MAST4: variants seen among roughly 807,000 people sequenced by gnomAD.
MAST4 encodes the protein microtubule-associated serine/threonine-protein kinase 4.
Under a neutral mutation model 162.7 loss-of-function variants are expected in MAST4, and 89 were observed. The ratio of observed to expected loss-of-function variants is 0.55; its 90% CI spans 0.46 to 0.65. MAST4 has a LOEUF of 0.65. Ranked by LOEUF, MAST4 falls within the 30% of genes least tolerant of loss-of-function variation. The pLI is 0.00. For missense variants in MAST4, 3,153 were observed against 3,374.0 expected (o/e 0.93, Z 1.62); for synonymous variants, 1,479 against 1,361.1 (o/e 1.09, Z -1.91).
intron 17 of MAST4, 138 bp downstream of exon 17, chr5:67,133,784 A>C (rs1769278202): frequency 1.0e-6 from 1 of 955,192 alleles, no homozygotes; most frequent in East Asian, 2.7e-5. Flanking sequence ...CATTTAATAA[A>C]GTGCAAATTG....
At chr5:67,100,996 T>C (rs1480670598) in intron 8 of MAST4, among the ~76,000 whole-genome samples, 3 of 152,250 alleles carry the variant, frequency 2.0e-5, no homozygotes, top group Non-Finnish European at 4.4e-5. Context: ...TCTTTGTTCT[T>C]TCTTCCCATC....
At chr5:67,162,083 C>T (rs1229743292) in intron 27 of MAST4, among the ~76,000 whole-genome samples, 3 of 152,082 alleles carry the variant, frequency 2.0e-5, no homozygotes, top group Non-Finnish European at 4.4e-5. Flanking sequence ...TTTTCTATGT[C>T]GTTGTACAGC....
chr5:67,122,593 T>C (rs1008146751), intron 14 of MAST4, among the ~76,000 whole-genome samples: 1 of 152,222 alleles, frequency 6.6e-6, no homozygotes, highest in African/African-American at 2.4e-5. Context: ...GACCTGAAGA[T>C]TTCTTTCTTC....
At chr5:66,974,153 G>C (rs1382898429) in intron 4 of MAST4, among the ~76,000 whole-genome samples, 3 of 152,142 alleles carry the variant, frequency 2.0e-5, no homozygotes, top group Non-Finnish European at 4.4e-5. Context: ...CTTTTGGACT[G>C]CTTCATGATG....
At chr5:67,038,921 A>C (rs781328480) in intron 4 of MAST4, among the ~76,000 whole-genome samples, 6 of 152,166 alleles carry the variant, frequency 3.9e-5, no homozygotes, top group Non-Finnish European at 7.3e-5. Flanking sequence ...CTTAAGACCC[A>C]GGGCTCTGGA....
chr5:66,891,905 GTA>G (rs746738094), intron 3 of MAST4, among the ~76,000 whole-genome samples: 3 of 152,220 alleles, frequency 2.0e-5, no homozygotes, highest in Admixed American at 6.5e-5. Flanking sequence ...AAGGGTAGAT[GTA>G]TTGTTTCAGA....
chr5:66,812,707 G>C (rs1419343971), intron 3 of MAST4, among the ~76,000 whole-genome samples: 1 of 152,194 alleles, frequency 6.6e-6, no homozygotes, highest in Non-Finnish European at 1.5e-5. Flanking sequence ...GGTTTGCTTA[G>C]ATGGACAGCT....
rs552260410 is a variant in MAST4, at chr5:66,874,904, T to TA, written c.643-25046dup. On this transcript the variant is annotated intron_variant, in intron 3 of 28. Transcript: ENST00000403625. ...TGAAGAATAAGTGTCTTTGACACCT[T>TA]AGAAACCCACTGTTCACAGGGGACA... Among the ~76,000 whole-genome samples, 62 of 152,318 alleles carry TA rather than the reference T, an allele frequency of 4.1e-4. 1 individual carries two copies. The highest frequency in any genetic ancestry group is 1.3e-3 in the African/African-American group (56 of 41,566).
intron 1 of MAST4, among the ~76,000 whole-genome samples, chr5:66,665,338 C>T (rs1048474687): frequency 1.1e-4 from 16 of 152,002 alleles, no homozygotes; most frequent in East Asian, 5.8e-4. Context: ...TGTCTTTTAG[C>T]GGCTAACAAT....
At chr5:66,863,908 T>C (rs1310550490) in intron 3 of MAST4, among the ~76,000 whole-genome samples, 5 of 152,180 alleles carry the variant, frequency 3.3e-5, no homozygotes, top group African/African-American at 1.2e-4. Flanking sequence ...CCCTACTCCT[T>C]TGTAAGTAAT....
At chr5:66,922,336 C>T (rs1274512650) in intron 4 of MAST4, among the ~76,000 whole-genome samples, 1 of 152,192 alleles carries the variant, frequency 6.6e-6, no homozygotes. Context: ...GACCCTTATT[C>T]TCTGTGCCTT....
At chr5:67,050,301 G>C (rs1758014420) in intron 4 of MAST4, among the ~76,000 whole-genome samples, 1 of 152,082 alleles carries the variant, frequency 6.6e-6, no homozygotes, top group African/African-American at 2.4e-5. Context: ...CATTTCACCT[G>C]CCTGAGCAAA....
intron 15 of MAST4, 69 bp downstream of exon 15, chr5:67,130,487 C>A: frequency 6.6e-7 from 1 of 1,510,562 alleles, no homozygotes; most frequent in Middle Eastern, 1.8e-4. Flanking sequence ...TTGAAGCTGT[C>A]TGTATTTGTG....
At chr5:66,700,800 TACACACAC>T (rs10522165) in intron 1 of MAST4, among the ~76,000 whole-genome samples, 2 of 91,170 alleles carry the variant, frequency 2.2e-5, no homozygotes, top group South Asian at 5.5e-4. Context: ...TATATATATA[TACACACAC>T]ACACACACAC....
chr5:67,104,341 G>A lies in MAST4; in HGVS notation c.1147-25G>A, dbSNP rs1405471070. 3.9e-6 allele frequency: 6 copies of A among 1,531,546 alleles called. No homozygotes were observed. The South Asian group carries it at 5.6e-5, about 14-fold the overall frequency. 94.9% of individuals were successfully genotyped at this position (1,531,546 alleles called of 1,614,324 possible). ...ATGTGTGTTTCCTCGTATTACATCT[G>A]TGTATGTGTGTCTTCTCTATATAGG... On this transcript the variant is annotated intron_variant, in intron 9 of 28. Coordinates refer to ENST00000403625, the MANE Select transcript of MAST4 (RefSeq NM_001164664.2).
At chr5:66,826,429 T>G (rs1399377836) in intron 3 of MAST4, among the ~76,000 whole-genome samples, 2 of 152,166 alleles carry the variant, frequency 1.3e-5, no homozygotes, top group Non-Finnish European at 2.9e-5. Context: ...CTAAGATGCA[T>G]GCACGTCAGC....
chr5:67,108,637 A>G (rs904949927), intron 10 of MAST4, among the ~76,000 whole-genome samples: 1 of 152,048 alleles, frequency 6.6e-6, no homozygotes, highest in Non-Finnish European at 1.5e-5. Flanking sequence ...ACCAATGGTC[A>G]TTTTTCCTTT....
chr5:66,819,964 ATT>A (rs35712503), intron 3 of MAST4, among the ~76,000 whole-genome samples: 1,351 of 132,114 alleles, frequency 0.01, 16 homozygotes, highest in African/African-American at 0.032. Context: ...TTTTCTTTTA[ATT>A]TTTTTTTTTT....
intron 5 of MAST4, among the ~76,000 whole-genome samples, chr5:67,063,469 T>G (rs1053394330): frequency 2.0e-5 from 3 of 152,228 alleles, no homozygotes; most frequent in Non-Finnish European, 2.9e-5. Context: ...TCAATGACAT[T>G]GTTCATATTT....
Sources: allele counts gnomAD v4.1 joint callset (sites outside exome capture counted in the v4.1 genomes callset), GRCh38; gene constraint gnomAD v4.1.1; transcripts MANE v1.5; gene names NCBI Gene and HGNC (gene_info 2026-07-23, HGNC 2026-07-21).